Variants in STK3 observed in about 807,000 individuals in gnomAD.
STK3 encodes serine/threonine-protein kinase 3.
Under a neutral mutation model 58.0 loss-of-function variants are expected in STK3, and 41 were observed. The observed-to-expected ratio is 0.71, with a 90% confidence interval of 0.55 to 0.92. The LOEUF is 0.92. STK3 is among the 40% of genes least tolerant of loss of function. The probability of loss-of-function intolerance (pLI) is 0.00; values close to 1 mark genes in which losing one functional copy is unlikely to be tolerated. For missense variants in STK3, 479 were observed against 602.7 expected, an observed-to-expected ratio of 0.79 and a Z score of 2.15; for synonymous variants, 170 against 191.0, an observed-to-expected ratio of 0.89 and a Z score of 0.91.
intron 9 of STK3, among the ~76,000 whole-genome samples, chr8:98,534,274 C>G (rs1005081641): frequency 1.3e-5 from 2 of 151,996 alleles, no homozygotes; most frequent in Admixed American, 1.3e-4. Context: ...CAAATGGTAC[C>G]CACTGTAAAG....
chr8:98,710,125 C>T (rs1471680885), intron 4 of STK3, among the ~76,000 whole-genome samples: 1 of 151,758 alleles, frequency 6.6e-6, no homozygotes, highest in Non-Finnish European at 1.5e-5. Context: ...TCTAAAGATT[C>T]CACAAAAAAA....
intron 1 of STK3, among the ~76,000 whole-genome samples, chr8:98,808,574 A>G (rs1262313758): frequency 6.7e-6 from 1 of 150,026 alleles, no homozygotes; most frequent in Non-Finnish European, 1.5e-5. Context: ...TACACAACAT[A>G]AAGTTTACTA....
At chr8:98,900,945 A>G (rs921380036) in intron 1 of STK3, among the ~76,000 whole-genome samples, 2 of 152,232 alleles carry the variant, frequency 1.3e-5, no homozygotes, top group African/African-American at 4.8e-5. Context: ...AACAGGCATG[A>G]GCCACTGCAC....
intron 2 of STK3, among the ~76,000 whole-genome samples, chr8:98,376,453 A>C (rs966176490): frequency 1.3e-5 from 2 of 152,250 alleles, no homozygotes; most frequent in Admixed American, 6.5e-5. Context: ...ATTTATAAAA[A>C]AGATTATATT....
At chr8:98,932,534 T>A (rs1214745865) in intron 1 of STK3, among the ~76,000 whole-genome samples, 1 of 152,206 alleles carries the variant, frequency 6.6e-6, no homozygotes, top group Non-Finnish European at 1.5e-5. Flanking sequence ...GAAGCCATTG[T>A]AGGTGTTTAA....
chr8:98,566,800 C>A (rs528172253), intron 8 of STK3, among the ~76,000 whole-genome samples: 1 of 152,204 alleles, frequency 6.6e-6, no homozygotes, highest in African/African-American at 2.4e-5. Flanking sequence ...CTGAAAAGAC[C>A]TTTCATCCAT....
At chr8:98,654,463 AGT>A (rs1373729002) in intron 6 of STK3, among the ~76,000 whole-genome samples, 2 of 152,154 alleles carry the variant, frequency 1.3e-5, no homozygotes, top group African/African-American at 4.8e-5. Flanking sequence ...TATTCAACAT[AGT>A]GTTGGAAGTT....
intron 3 of STK3, among the ~76,000 whole-genome samples, chr8:98,426,870 C>T (rs1318818236): frequency 6.6e-6 from 1 of 152,012 alleles, no homozygotes; most frequent in Non-Finnish European, 1.5e-5. Flanking sequence ...GGTGACGCGC[C>T]GGGGAAGCGC....
chr8:98,699,627 C>T (rs1343918873), intron 6 of STK3, among the ~76,000 whole-genome samples: 2 of 152,238 alleles, frequency 1.3e-5, no homozygotes, highest in African/African-American at 2.4e-5. Flanking sequence ...TAGAGGTCCA[C>T]TCCAGACTCG....
At chr8:98,354,589 G>C in the STK3 span, among the ~76,000 whole-genome samples, 2 of 152,146 alleles carry the variant, frequency 1.3e-5, no homozygotes, top group African/African-American at 2.4e-5. Context: ...CAGTTATTTG[G>C]AGGTTTTCTG....
chr8:98,818,042 T>G (rs1396521438), intron 1 of STK3, among the ~76,000 whole-genome samples: 1 of 152,166 alleles, frequency 6.6e-6, no homozygotes, highest in Non-Finnish European at 1.5e-5. Context: ...TCATTTCAAT[T>G]CCTCCCACAC....
intron 3 of STK3, among the ~76,000 whole-genome samples, chr8:98,868,350 G>A (rs934683402): frequency 2.0e-5 from 3 of 152,090 alleles, no homozygotes; most frequent in Admixed American, 1.3e-4. Flanking sequence ...TAACCTTATT[G>A]CTGCAATTTC....
intron 6 of STK3, among the ~76,000 whole-genome samples, chr8:98,677,342 C>T (rs112164119): frequency 0.017 from 2,301 of 139,312 alleles, 60 homozygotes; most frequent in African/African-American, 0.058. Context: ...CCCCACCCCC[C>T]GCCCCCACCG....
chr8:98,685,184 A>G (rs947374236), intron 6 of STK3, among the ~76,000 whole-genome samples: 8 of 152,224 alleles, frequency 5.3e-5, no homozygotes, highest in Non-Finnish European at 1.2e-4. Flanking sequence ...GAAATGTAGT[A>G]TAATTCTTTC....
intron 1 of STK3, chr8:98,778,997 T>C (rs1295290708): frequency 5.3e-5 from 8 of 152,086 alleles, no homozygotes; most frequent in African/African-American, 1.7e-4. Flanking sequence ...AACCTGCACA[T>C]TGTGCACATG....
At chr8:98,665,120 C>T (rs1822241143) in intron 6 of STK3, among the ~76,000 whole-genome samples, 1 of 152,208 alleles carries the variant, frequency 6.6e-6, no homozygotes, top group African/African-American at 2.4e-5. Flanking sequence ...TAACTTCCTA[C>T]TGTGTGTCAA....
intron 4 of STK3, among the ~76,000 whole-genome samples, chr8:98,728,706 A>C (rs1827963636): frequency 6.6e-6 from 1 of 152,220 alleles, no homozygotes; most frequent in East Asian, 1.9e-4. Context: ...CTATTACACA[A>C]AGGAGGAACA....
intron 3 of STK3, among the ~76,000 whole-genome samples, chr8:98,408,751 G>A (rs895044305): frequency 6.6e-6 from 1 of 152,206 alleles, no homozygotes; most frequent in African/African-American, 2.4e-5. Context: ...GTTGACTGTG[G>A]GTTCCCGTTC....
intron 10 of STK3, among the ~76,000 whole-genome samples, chr8:98,498,187 T>G (rs1290975212): frequency 6.6e-6 from 1 of 152,092 alleles, no homozygotes; most frequent in Non-Finnish European, 1.5e-5. Flanking sequence ...TTTTCTGTCT[T>G]TAAATCCTGA....
Sources: gnomAD v4.1 joint callset for allele counts (sites outside exome capture counted in the v4.1 genomes callset) on GRCh38, gnomAD v4.1.1 for gene constraint, MANE v1.5 for transcripts, NCBI Gene and HGNC (gene_info 2026-07-23, HGNC 2026-07-21) for gene names.